Variants in SLC30A5 observed in about 807,000 individuals in gnomAD.
The protein encoded by SLC30A5 is proton-coupled zinc antiporter SLC30A5.
Under a neutral mutation model 79.6 loss-of-function variants are expected in SLC30A5, and 33 were observed. The ratio of observed to expected loss-of-function variants is 0.41; its 90% CI spans 0.31 to 0.55. The LOEUF (loss-of-function observed/expected upper bound fraction) is 0.55, where lower values mean the gene tolerates loss of function less well. Among genes scored for constraint, SLC30A5 ranks in the 20% least tolerant of loss-of-function variants. The pLI is 0.20. For missense variants in SLC30A5, 788 were observed against 928.1 expected (o/e 0.85, Z 1.96); for synonymous variants, 299 against 319.7 (o/e 0.94, Z 0.69).
chr5:69,124,084 G>A (rs1413788221), intron 14 of SLC30A5, among the ~76,000 whole-genome samples: 1 of 133,418 alleles, frequency 7.5e-6, no homozygotes, highest in Non-Finnish European at 1.5e-5. Flanking sequence ...CTACACTTCA[G>A]CCTGGGTGAC....
chr5:69,119,096 C>T (rs1325400546), intron 12 of SLC30A5, among the ~76,000 whole-genome samples: 2 of 152,098 alleles, frequency 1.3e-5, no homozygotes, highest in Non-Finnish European at 2.9e-5. Flanking sequence ...CCACTGTGCC[C>T]GGCCAGCTAT....
rs534069195 is a variant in SLC30A5, at chr5:69,095,601, G to T, written c.83+1263G>T. 2.0e-4 allele frequency among the ~76,000 whole-genome samples: 30 copies of T among 152,242 alleles called. 1 individual carries two copies. The South Asian group carries it at 5.2e-3, about 26-fold the overall frequency. ...AATTTAATTTTCTAATCTATTTTGA[G>T]CATCTCATTTTGTAAATAACAGCAT... On this transcript the variant is annotated intron_variant, in intron 1 of 15. Transcript: ENST00000396591.
intron 14 of SLC30A5, among the ~76,000 whole-genome samples, chr5:69,124,622 C>T (rs1459049909): frequency 6.6e-6 from 1 of 152,136 alleles, no homozygotes; most frequent in Non-Finnish European, 1.5e-5. Context: ...TGTTGCCAGG[C>T]TGGAGTGGAG....
At chr5:69,113,844 T>TA (rs1340621002) in intron 6 of SLC30A5, among the ~76,000 whole-genome samples, 2 of 152,240 alleles carry the variant, frequency 1.3e-5, no homozygotes, top group African/African-American at 2.4e-5. Flanking sequence ...TAAAACTTAT[T>TA]AGTAAACTAA....
intron 2 of SLC30A5, chr5:69,102,784 C>T (rs1745966878): frequency 5.6e-6 from 1 of 178,766 alleles, no homozygotes; most frequent in African/African-American, 2.4e-5. Flanking sequence ...TTGCTTGAAC[C>T]CGGGAGGCAG....
intron 5 of SLC30A5, among the ~76,000 whole-genome samples, chr5:69,108,876 T>A (rs1320803165): frequency 6.6e-6 from 1 of 152,144 alleles, no homozygotes; most frequent in Non-Finnish European, 1.5e-5. Context: ...TTTACATTTT[T>A]CTTACAATTT....
At chr5:69,118,310 T>C in intron 11 of SLC30A5, 189 bp from the exon 12 acceptor site, 1 of 178,202 alleles carries the variant, frequency 5.6e-6, no homozygotes, top group South Asian at 1.2e-4. Flanking sequence ...TATATATATG[T>C]GTATATATAT....
chr5:69,113,192 A>G lies in SLC30A5; in HGVS notation c.500A>G (p.Asp167Gly), dbSNP rs760051148. 4 of 1,613,560 alleles carry G rather than the reference A, an allele frequency of 2.5e-6. No homozygotes were observed. The highest frequency in any genetic ancestry group is 3.4e-6 in the Non-Finnish European group (4 of 1,179,812). The change falls in exon 6 of 16, where the codon GAC becomes GGC. Residue 167 changes from aspartate (D) to glycine (G), a missense_variant. Asp to Gly is a moderately conservative substitution (Grantham distance 94). This residue lies in a region of SLC30A5 where 626 missense variants were observed against 755.5 expected (regional missense o/e 0.83). Coordinates refer to ENST00000396591, the MANE Select transcript of SLC30A5 (RefSeq NM_022902.5). The stretch of plus-strand genomic sequence containing the variant: ...GCTGTGATCTGTTTATTGCTTTTTG[A>G]CAATGATGATCTCATGGCTAAAATG... Reference protein sequence around the residue: ...IIAVICLLLFDNDDLMAKMAE... With the variant: ...IIAVICLLLFGNDDLMAKMAE...
At chr5:69,127,484 A>AAT (rs1746732242) in intron 14 of SLC30A5, among the ~76,000 whole-genome samples, 3 of 151,334 alleles carry the variant, frequency 2.0e-5, no homozygotes, top group East Asian at 1.9e-4. Context: ...AAAAAAAAAA[A>AAT]AAAAAAAAAA....
chr5:69,101,886 G>C (rs1163239156), intron 2 of SLC30A5, among the ~76,000 whole-genome samples: 3 of 150,910 alleles, frequency 2.0e-5, no homozygotes, highest in African/African-American at 7.3e-5. Context: ...GAACCTGGGA[G>C]GCAGCGGTTG....
At chr5:69,123,500 G>A (rs1400285023) in intron 14 of SLC30A5, 75 bp downstream of exon 14, 39 of 1,096,662 alleles carry the variant, frequency 3.6e-5, no homozygotes, top group East Asian at 7.4e-5. Context: ...AAGTAAAACA[G>A]ACAACCAAAT....
intron 14 of SLC30A5, 66 bp from the exon 15 acceptor site, chr5:69,127,938 A>G: frequency 1.5e-6 from 2 of 1,341,808 alleles, no homozygotes; most frequent in Non-Finnish European, 1.0e-6. Flanking sequence ...TCTGTCAGAA[A>G]GCATCTCCAT....
chr5:69,096,400 G>A (rs1299499186), intron 1 of SLC30A5, among the ~76,000 whole-genome samples: 1 of 152,190 alleles, frequency 6.6e-6, no homozygotes, highest in East Asian at 1.9e-4. Flanking sequence ...ATTGTCTCAG[G>A]TAGGGAAATG....
Position 69,094,309 on chromosome 5 carries a change from C to T in SLC30A5, c.54C>T (p.Gly18=). Residue 18 remains glycine, a synonymous_variant, in exon 1 of 16, where the codon GGC becomes GGT. Transcript: ENST00000396591. ...TGGCCGGCCCCGGCGGCGGCGGCGG[C>T]CTTGGGCCGGTGGACGTACCCAGCG... is the stretch of plus-strand genomic sequence containing the variant. ...DVLAGPGGGG[G]LGPVDVPSAR... 1.6e-6 allele frequency: 2 copies of T among 1,255,244 alleles called. No individual in the cohort carries two copies. The highest frequency in any genetic ancestry group is 2.0e-6 in the Non-Finnish European group (2 of 993,276). 77.8% of individuals were successfully genotyped at this position (1,255,244 alleles called of 1,614,324 possible).
rs1554052517 is a variant in SLC30A5 at position 69,100,946 on chromosome 5, GT to G, written c.206+23del. Reference sequence around the variant, plus strand: ...AAAACTTGGGTGAGTGTGGGGGGGGGTTTTTTCTTGATATTTTTTATTTCTT... The same window carrying G: ...AAAACTTGGGTGAGTGTGGGGGGGGGTTTTTCTTGATATTTTTTATTTCTT... On this transcript the variant is annotated intron_variant, in intron 2 of 15. Coordinates refer to ENST00000396591, the MANE Select transcript of SLC30A5 (RefSeq NM_022902.5). The G allele has an allele frequency of 3.4e-4, 455 of 1,354,814 alleles. No individual in the cohort carries two copies. The highest frequency in any genetic ancestry group is 1.4e-3 in the South Asian group (96 of 69,466). 83.9% of individuals were successfully genotyped at this position (1,354,814 alleles called of 1,614,324 possible).
intron 7 of SLC30A5, 38 bp downstream of exon 7, chr5:69,114,534 T>A: frequency 7.9e-7 from 1 of 1,263,314 alleles, no homozygotes; most frequent in Non-Finnish European, 1.2e-6. Context: ...CAAAAGATTC[T>A]GAAAAGTTGT....
At chr5:69,125,054 A>G (rs1746638286) in intron 14 of SLC30A5, among the ~76,000 whole-genome samples, 1 of 152,190 alleles carries the variant, frequency 6.6e-6, no homozygotes, top group South Asian at 2.1e-4. Flanking sequence ...CAGCACATAT[A>G]AACAGGCAAA....
At chr5:69,118,706 C>T in intron 12 of SLC30A5, 78 bp downstream of exon 12, 5 of 1,251,496 alleles carry the variant, frequency 4.0e-6, no homozygotes, top group South Asian at 3.5e-5. Flanking sequence ...TAATTGTTTG[C>T]AGTTATTGCT....
At chr5:69,118,321 A>G (rs759308851) in intron 11 of SLC30A5, 178 bp from the exon 12 acceptor site, 1 of 217,330 alleles carries the variant, frequency 4.6e-6, no homozygotes, top group Non-Finnish European at 8.9e-6. Flanking sequence ...GTATATATAT[A>G]TATGTATATA....
Sources: allele counts gnomAD v4.1 joint callset (sites outside exome capture counted in the v4.1 genomes callset), GRCh38; gene constraint gnomAD v4.1.1; regional missense constraint gnomAD v4.1.1; transcripts MANE v1.5; gene names NCBI Gene and HGNC (gene_info 2026-07-23, HGNC 2026-07-21).